The following ZNF480 variants were observed in gnomAD, a reference collection of about 807,000 sequenced individuals.
ZNF480 encodes the protein zinc finger protein 480.
In ZNF480, 15 loss-of-function variants were observed where a neutral mutation model predicts 14.4. That is an observed-to-expected ratio of 1.04 (90% confidence interval 0.70 to 1.60). The LOEUF (loss-of-function observed/expected upper bound fraction) is 1.60. Among genes scored for constraint, ZNF480 ranks in the 40% most tolerant of loss-of-function variants. The pLI is 0.00. For synonymous variants in ZNF480, 218 were observed against 215.5 expected (o/e 1.01, Z -0.10); for missense variants, 593 against 629.7 (o/e 0.94, Z 0.62).
At chr19:52,306,617 A>T (rs768676100) in intron 2 of ZNF480, among the ~76,000 whole-genome samples, 4 of 152,232 alleles carry the variant, frequency 2.6e-5, no homozygotes, top group African/African-American at 4.8e-5. Flanking sequence ...AGACAGCAAC[A>T]TTCTTTAACA....
intron 4 of ZNF480, among the ~76,000 whole-genome samples, 184 bp downstream of exon 4, chr19:52,316,146 A>T (rs1036561341): frequency 1.3e-5 from 2 of 151,908 alleles, no homozygotes; most frequent in East Asian, 1.9e-4. Flanking sequence ...TAAATAAATA[A>T]TTTTTTTGTT....
At chr19:52,304,411 T>C (rs1982832125) in intron 2 of ZNF480, among the ~76,000 whole-genome samples, 1 of 152,174 alleles carries the variant, frequency 6.6e-6, no homozygotes, top group Admixed American at 6.5e-5. Context: ...TAACAAAGAC[T>C]GGAGAATTCC....
At chr19:52,320,496 A>G (rs1983760503) in intron 4 of ZNF480, among the ~76,000 whole-genome samples, 1 of 152,160 alleles carries the variant, frequency 6.6e-6, no homozygotes. Context: ...CTAAAAGAAC[A>G]CAGAAAAAAC....
rs1315875509 is a variant in ZNF480 at position 52,315,396 on chromosome 19, A to G, written c.200-438A>G. ...AATGGCGCGATCTTGGCTCACTGCA[A>G]CCTCCGCCTCCTGGGGTCAAATGAT... On this transcript the variant is annotated intron_variant, in intron 3 of 4. Coordinates refer to ENST00000595962, the MANE Select transcript of ZNF480 (RefSeq NM_144684.4). Among the ~76,000 whole-genome samples the G allele has an allele frequency of 3.3e-5, 5 of 151,010 alleles. No homozygotes were observed. The East Asian group carries it at 9.7e-4, about 29-fold the overall frequency.
chr19:52,300,604 C>G, intron 2 of ZNF480, 120 bp downstream of exon 2: 4 of 1,539,994 alleles, frequency 2.6e-6, no homozygotes, highest in Non-Finnish European at 3.5e-6. Context: ...TCACGCTTAC[C>G]TATGCCTTCC....
chr19:52,316,958 C>T (rs1016452318), intron 4 of ZNF480, among the ~76,000 whole-genome samples: 1 of 152,170 alleles, frequency 6.6e-6, no homozygotes, highest in African/African-American at 2.4e-5. Flanking sequence ...CATTGGTGGA[C>T]ACCTGCATTG....
intron 2 of ZNF480, among the ~76,000 whole-genome samples, chr19:52,310,551 C>A (rs1983222188): frequency 6.6e-6 from 1 of 151,938 alleles, no homozygotes; most frequent in South Asian, 2.1e-4. Flanking sequence ...CAGCACAGAC[C>A]AGCCCCCTTT....
chr19:52,310,808 G>A (rs1206322935), intron 2 of ZNF480, among the ~76,000 whole-genome samples: 1 of 151,428 alleles, frequency 6.6e-6, no homozygotes, highest in African/African-American at 2.4e-5. Flanking sequence ...AGACCATCCT[G>A]GCTAACACAG....
At chr19:52,315,419 G>T (rs1478285037) in intron 3 of ZNF480, among the ~76,000 whole-genome samples, 2 of 151,792 alleles carry the variant, frequency 1.3e-5, no homozygotes, top group Non-Finnish European at 2.9e-5. Context: ...GGGGTCAAAT[G>T]ATTCTCCTGC....
In ZNF480 at chr19:52,322,701, A is replaced by G. The variant is rs1222154938; in HGVS notation, c.1451A>G (p.Lys484Arg). The change falls in exon 5 of 5, where the codon AAA (lysine) becomes AGA (arginine). Residue 484 changes from lysine (K) to arginine (R), a missense_variant. By Grantham distance (26) the Lys-to-Arg change is conservative. Transcript: ENST00000595962. Reference sequence around the variant, plus strand: ...ATCCATACTGGAGAAAGACCTTACAAATGTAATGAATGTGGCAAGGTCTTC... The same window carrying G: ...ATCCATACTGGAGAAAGACCTTACAGATGTAATGAATGTGGCAAGGTCTTC... The part of the protein sequence containing the change: ...QRIHTGERPY[K>R]CNECGKVFNR... 1 of 1,613,656 alleles carries G rather than the reference A, an allele frequency of 6.2e-7. No individual in the cohort carries two copies. The highest frequency in any genetic ancestry group is 2.2e-5 in the East Asian group (1 of 44,866).
Position 52,314,298 on chromosome 19 carries a change from C to G in ZNF480, c.199+19C>G, listed in dbSNP as rs1429859114. 6.6e-7 allele frequency: 1 copy of G among 1,507,362 alleles called. No individual in the cohort carries two copies. The allele number at this position is 1,507,362 out of a possible 1,614,324, so 93.4% of individuals were successfully genotyped here. A position where few individuals can be genotyped will look rare whatever the true frequency, so the allele number is the denominator to read the frequency against. ...TCCCTGGGTGAGGATCATGCCCCTG[C>G]AGAAGCCGGGATCTGCCCTTGGTTA... On this transcript the variant is annotated intron_variant, in intron 3 of 4. Transcript: ENST00000595962.
intron 2 of ZNF480, among the ~76,000 whole-genome samples, chr19:52,311,137 C>A (rs1232086148): frequency 6.6e-6 from 1 of 151,052 alleles, no homozygotes; most frequent in Non-Finnish European, 1.5e-5. Flanking sequence ...TATTGATAAA[C>A]CCCATTGGGC....
In ZNF480 at chr19:52,315,957, A is replaced by AC. The variant is rs755731877; in HGVS notation, c.324dup (p.Thr109HisfsTer17). The AC allele has an allele frequency of 6.2e-7, 1 of 1,607,676 alleles. No individual in the cohort carries two copies. The highest frequency in any genetic ancestry group is 8.5e-7 in the Non-Finnish European group (1 of 1,175,932). On this transcript the variant is annotated frameshift_variant, in exon 4 of 5. Transcript: ENST00000595962. LOFTEE classifies it low-confidence loss of function (END_TRUNC). ...GGGAGGGAGTGCATCAAAGGTGTGA[A>AC]CACAGGTAAGAGCTCAGATGGGCAT...
intron 2 of ZNF480, among the ~76,000 whole-genome samples, chr19:52,305,234 G>A (rs1019743591): frequency 6.6e-6 from 1 of 152,158 alleles, no homozygotes; most frequent in Non-Finnish European, 1.5e-5. Context: ...GTGTTAAATC[G>A]AGTGGGTTGA....
At position 52,322,980 on chromosome 19, in the gene ZNF480, C is replaced by G. The variant is rs1983919896; in HGVS notation, c.*122C>G. ...TAAAGAATATGACAAGGTCTTCAAA[C>G]ACAAGTTTTTCTAATAACTCATTAG... On this transcript the variant is annotated 3_prime_UTR_variant, in exon 5 of 5. Transcript: ENST00000595962. 5 of 767,878 alleles carry G rather than the reference C, an allele frequency of 6.5e-6. No homozygotes were observed. Among genetic ancestry groups the G allele is most frequent in the Non-Finnish European group, 9.5e-6 (5 of 523,916 alleles). 47.6% of individuals were successfully genotyped at this position (767,878 alleles called of 1,614,324 possible).
rs566358996 is a variant in ZNF480, at chr19:52,312,790, C to T, written c.73-1363C>T. On this transcript the variant is annotated intron_variant, in intron 2 of 4. Coordinates refer to ENST00000595962, the MANE Select transcript of ZNF480 (RefSeq NM_144684.4). ...TCACATGGAAAGTGTTCAAAAGCTT[C>T]AGTCATTGCTATTGTTATCATCCCA... 2.0e-5 allele frequency among the ~76,000 whole-genome samples: 3 copies of T among 151,728 alleles called. No individual in the cohort carries two copies. In the South Asian group the frequency reaches 6.3e-4, roughly 32 times the overall value.
chr19:52,313,978 C>CAA, intron 2 of ZNF480, 175 bp from the exon 3 acceptor site: 1 of 644,658 alleles, frequency 1.6e-6, no homozygotes, highest in Non-Finnish European at 2.3e-6. Context: ...GACTCTGTCT[C>CAA]AAAAAAAAGA....
chr19:52,310,850 A>C (rs967010599), intron 2 of ZNF480, among the ~76,000 whole-genome samples: 13 of 151,500 alleles, frequency 8.6e-5, no homozygotes, highest in African/African-American at 3.2e-4. Context: ...AATACAAAAA[A>C]AAAAATTAGC....
intron 4 of ZNF480, among the ~76,000 whole-genome samples, chr19:52,317,988 T>G (rs984665024): frequency 3.9e-5 from 6 of 152,180 alleles, no homozygotes; most frequent in African/African-American, 1.2e-4. Context: ...ATTTTGCATT[T>G]TCTTATATGG....
Sources: gnomAD v4.1 joint callset for allele counts (sites outside exome capture counted in the v4.1 genomes callset) on GRCh38, gnomAD v4.1.1 for gene constraint, MANE v1.5 for transcripts, NCBI Gene and HGNC (gene_info 2026-07-23, HGNC 2026-07-21) for gene names.